The following ZMYND11 variants were observed in gnomAD, a reference collection of about 807,000 sequenced individuals.
The protein encoded by ZMYND11 is zinc finger MYND domain-containing protein 11.
A neutral mutation model predicts 84.9 loss-of-function variants in ZMYND11; 9 were observed. That is an observed-to-expected ratio of 0.11 (90% CI 0.06 to 0.18). The LOEUF is 0.18. ZMYND11 is among the 10% of genes least tolerant of loss of function. The pLI is 1.00. For missense variants in ZMYND11, 409 were observed against 761.0 expected (o/e 0.54, Z 5.44); for synonymous variants, 250 against 244.1 (o/e 1.02, Z -0.23).
At chr10:240,194 G>A (rs960648342) in intron 8 of ZMYND11, 83 bp downstream of exon 8, 3 of 1,223,514 alleles carry the variant, frequency 2.5e-6, no homozygotes, top group African/African-American at 3.1e-5. Context: ...CTACATTTTA[G>A]TTGTGCCATT....
At chr10:203,571 G>T (rs1243212102) in intron 2 of ZMYND11, among the ~76,000 whole-genome samples, 2 of 152,126 alleles carry the variant, frequency 1.3e-5, no homozygotes, top group African/African-American at 4.8e-5. Flanking sequence ...GGATGAATAT[G>T]GGACCAAGAA....
rs1953994887 is a variant in ZMYND11, at chr10:254,265, G to C, written c.*1795G>C. On this transcript the variant is annotated 3_prime_UTR_variant, in exon 15 of 15. Transcript: ENST00000381604. ...AGTATGTAATATTTAACTGATAGCT[G>C]CATGAAAGTGAGATTCGTGTTACTT... is the stretch of plus-strand genomic sequence containing the variant. The C allele has an allele frequency of 6.6e-6, 1 of 152,574 alleles. No individual in the cohort carries two copies. The highest frequency in any genetic ancestry group is 6.5e-5 in the Admixed American group (1 of 15,284). 9.5% of individuals were successfully genotyped at this position (152,574 alleles called of 1,614,324 possible). A position where few individuals can be genotyped will look rare whatever the true frequency, so the allele number is the denominator to read the frequency against.
intron 1 of ZMYND11, among the ~76,000 whole-genome samples, chr10:136,921 T>A (rs991930709): frequency 6.6e-6 from 1 of 152,168 alleles, no homozygotes; most frequent in African/African-American, 2.4e-5. Flanking sequence ...CAATGTCATA[T>A]ACGTTAGGTA....
chr10:204,207 G>T lies in ZMYND11; in HGVS notation c.117-5682G>T, dbSNP rs61836357. On this transcript the variant is annotated intron_variant, in intron 2 of 14. Transcript: ENST00000381604. ...CCTTTCCTAGGTTAGATAACCAGTTGTCCCAATGTCCTGCATTGATTAATC... is the reference window on the plus strand; with the variant it reads ...CCTTTCCTAGGTTAGATAACCAGTTTTCCCAATGTCCTGCATTGATTAATC... 6.1e-3 allele frequency among the ~76,000 whole-genome samples: 934 copies of T among 152,186 alleles called. 3 individuals are homozygous for T. Among genetic ancestry groups the T allele is most frequent in the Non-Finnish European group, 0.01 (704 of 68,004 alleles).
upstream of ZMYND11, among the ~76,000 whole-genome samples, chr10:130,292 G>A (rs557667929): frequency 2.0e-5 from 3 of 152,312 alleles, no homozygotes; most frequent in South Asian, 6.2e-4. Flanking sequence ...TGCTGGGTCT[G>A]TGGGGAGCAA....
chr10:171,300 A>T (rs1159116483), intron 1 of ZMYND11, among the ~76,000 whole-genome samples: 1 of 152,194 alleles, frequency 6.6e-6, no homozygotes, highest in Non-Finnish European at 1.5e-5. Flanking sequence ...AGTTGAACTC[A>T]AAAACATCAA....
chr10:234,982 ATGTGTGTGTGTG>A (rs60483060), intron 4 of ZMYND11, among the ~76,000 whole-genome samples: 5 of 148,884 alleles, frequency 3.4e-5, no homozygotes, highest in South Asian at 2.2e-4. Context: ...TATTTCGCAA[ATGTGTGTGTGTG>A]TGTGTGTGTG....
intron 4 of ZMYND11, among the ~76,000 whole-genome samples, 197 bp from the exon 5 acceptor site, chr10:236,641 A>G (rs142041002): frequency 8.4e-4 from 128 of 152,358 alleles, no homozygotes; most frequent in African/African-American, 3.0e-3. Context: ...ATAATATTTT[A>G]AAGTTCTCAC....
intron 2 of ZMYND11, among the ~76,000 whole-genome samples, chr10:183,882 C>T (rs1848397322): frequency 6.6e-6 from 1 of 152,278 alleles, no homozygotes; most frequent in South Asian, 2.1e-4. Flanking sequence ...TATCCTGCCC[C>T]AGGCCTGGAA....
upstream of ZMYND11, among the ~76,000 whole-genome samples, chr10:133,188 A>T (rs1835363743): frequency 1.3e-5 from 2 of 152,268 alleles, no homozygotes; most frequent in African/African-American, 4.8e-5. Context: ...AACCATCAGT[A>T]GCATTATCAC....
chr10:223,595 C>G (rs1589073922), intron 4 of ZMYND11, among the ~76,000 whole-genome samples: 1 of 152,060 alleles, frequency 6.6e-6, no homozygotes, highest in African/African-American at 2.4e-5. Context: ...ACCCTGTTTT[C>G]TAGGGTGAGG....
At chr10:206,820 G>A (rs1944258264) in intron 2 of ZMYND11, among the ~76,000 whole-genome samples, 1 of 151,862 alleles carries the variant, frequency 6.6e-6, no homozygotes, top group Admixed American at 6.6e-5. Flanking sequence ...GCTTAGAAAT[G>A]TTTTAATTTT....
At chr10:136,266 A>T (rs1836026680) in intron 1 of ZMYND11, among the ~76,000 whole-genome samples, 1 of 152,072 alleles carries the variant, frequency 6.6e-6, no homozygotes, top group African/African-American at 2.4e-5. Context: ...CCGGACTTTC[A>T]CTTGCAGTCT....
At chr10:250,217 TC>T (rs1365673164) in intron 14 of ZMYND11, among the ~76,000 whole-genome samples, 5 of 152,194 alleles carry the variant, frequency 3.3e-5, no homozygotes, top group Admixed American at 1.3e-4. Flanking sequence ...CAGGTGCTTC[TC>T]CCCCCAGCTT....
intron 9 of ZMYND11, among the ~76,000 whole-genome samples, chr10:241,684 GCCTA>G (rs1170102546): frequency 6.6e-6 from 1 of 152,216 alleles, no homozygotes. Flanking sequence ...TACTGTGCCA[GCCTA>G]AAATTTCCCC....
At chr10:153,347 G>C (rs1277192578) in intron 1 of ZMYND11, among the ~76,000 whole-genome samples, 20 of 152,076 alleles carry the variant, frequency 1.3e-4, no homozygotes, top group Admixed American at 7.2e-4. Flanking sequence ...CATATCATCT[G>C]TTTCTTCAAT....
At chr10:156,166 A>G (rs1249452278) in intron 1 of ZMYND11, among the ~76,000 whole-genome samples, 1 of 152,198 alleles carries the variant, frequency 6.6e-6, no homozygotes, top group Non-Finnish European at 1.5e-5. Flanking sequence ...TGAACATCTG[A>G]TGATGCACAG....
Position 236,909 on chromosome 10 carries a change from G to A in ZMYND11, c.510G>A (p.Lys170=). 6.2e-7 allele frequency: 1 copy of A among 1,613,272 alleles called. No homozygotes were observed. The highest frequency in any genetic ancestry group is 8.5e-7 in the Non-Finnish European group (1 of 1,179,620). The change falls in exon 5 of 15, where the codon AAG becomes AAA. Residue 170 remains lysine, a synonymous_variant. Coordinates refer to ENST00000381604, the MANE Select transcript of ZMYND11 (RefSeq NM_001370100.5). ...TCAGATTCATTGTCTCCCGCATGAAGGAGAGGGTGAGTCCTGCTCAGGGAA... is the reference window on the plus strand; with the variant it reads ...TCAGATTCATTGTCTCCCGCATGAAAGAGAGGGTGAGTCCTGCTCAGGGAA... ...TYLRFIVSRM[K]ERAIDLNKKG...
At chr10:187,666 C>T (rs949024380) in intron 2 of ZMYND11, among the ~76,000 whole-genome samples, 5 of 150,408 alleles carry the variant, frequency 3.3e-5, no homozygotes, top group African/African-American at 4.9e-5. Flanking sequence ...CCAAGATAAA[C>T]TTCTTTAACA....
Sources: gnomAD v4.1 joint callset for allele counts (sites outside exome capture counted in the v4.1 genomes callset) on GRCh38, gnomAD v4.1.1 for gene constraint, MANE v1.5 for transcripts, NCBI Gene and HGNC (gene_info 2026-07-23, HGNC 2026-07-21) for gene names.